The following MTCL2 variants were observed in gnomAD, a reference collection of about 807,000 sequenced individuals.
MTCL2 encodes the protein microtubule crosslinking factor 2.
chr20:36,835,922 AG>A, the MTCL2 span, among the ~76,000 whole-genome samples: 1 of 152,104 alleles, frequency 6.6e-6, no homozygotes, highest in Non-Finnish European at 1.5e-5. Flanking sequence ...TCCAGGTCCC[AG>A]CCTCTCCTCC....
At chr20:36,783,823 C>CA in the MTCL2 span, 1 of 985,244 alleles carries the variant, frequency 1.0e-6, no homozygotes, top group Non-Finnish European at 1.2e-6. Context: ...CCCCCCACCC[C>CA]AAAAAAGAAA....
At chr20:36,794,932 C>CT in the MTCL2 span, among the ~76,000 whole-genome samples, 43 of 147,362 alleles carry the variant, frequency 2.9e-4, no homozygotes, top group Admixed American at 6.1e-4. The surrounding 1 kb of genome is among the most constrained non-coding windows in gnomAD (Gnocchi z 5.4). Context: ...CCAAACCTGG[C>CT]TTTTTTTTTT....
the MTCL2 span, chr20:36,797,601 G>T: frequency 6.4e-7 from 1 of 1,551,128 alleles, no homozygotes; most frequent in Non-Finnish European, 8.7e-7. Context: ...GGGTGGGTCG[G>T]TAATGGGCAA....
At chr20:36,809,124 TG>T in the MTCL2 span, among the ~76,000 whole-genome samples, 1 of 152,152 alleles carries the variant, frequency 6.6e-6, no homozygotes, top group African/African-American at 2.4e-5. Flanking sequence ...GGACAGCTGA[TG>T]ACTAGGCAAC....
the MTCL2 span, among the ~76,000 whole-genome samples, chr20:36,792,327 G>A: frequency 1.3e-5 from 2 of 152,194 alleles, no homozygotes; most frequent in South Asian, 2.1e-4. Context: ...GGCCAACATG[G>A]TGAAACCCCG....
the MTCL2 span, chr20:36,805,884 G>T: frequency 1.9e-6 from 3 of 1,613,372 alleles, no homozygotes; most frequent in Non-Finnish European, 2.5e-6. Context: ...CCCCGTGCAG[G>T]CCTTGTTATC....
the MTCL2 span, among the ~76,000 whole-genome samples, chr20:36,827,409 G>A: frequency 6.2e-5 from 9 of 144,192 alleles, no homozygotes; most frequent in African/African-American, 2.3e-4. Flanking sequence ...TGTCTCCCAG[G>A]CTGGAGTGCA....
chr20:36,853,171 A>T, the MTCL2 span, among the ~76,000 whole-genome samples: 3 of 151,190 alleles, frequency 2.0e-5, no homozygotes, highest in Non-Finnish European at 2.9e-5. Flanking sequence ...GGCCCTGGAG[A>T]CTCACCACGT....
the MTCL2 span, among the ~76,000 whole-genome samples, chr20:36,821,828 T>C: frequency 6.6e-6 from 1 of 152,258 alleles, no homozygotes; most frequent in African/African-American, 2.4e-5. Flanking sequence ...AAATTCCCTA[T>C]GGCTTATTCG....
chr20:36,797,960 G>C, the MTCL2 span, among the ~76,000 whole-genome samples: 1 of 152,128 alleles, frequency 6.6e-6, no homozygotes, highest in African/African-American at 2.4e-5. Flanking sequence ...TATGGATCTC[G>C]GCACTTTTTC....
At chr20:36,824,996 A>G in the MTCL2 span, among the ~76,000 whole-genome samples, 1 of 149,044 alleles carries the variant, frequency 6.7e-6, no homozygotes. Context: ...CTGGAGTGCA[A>G]TGATGGGATG....
At chr20:36,862,109 T>A in the MTCL2 span, among the ~76,000 whole-genome samples, 1 of 152,166 alleles carries the variant, frequency 6.6e-6, no homozygotes, top group Non-Finnish European at 1.5e-5. Context: ...GGAAGTGGAC[T>A]CCAGCCAAGG....
At chr20:36,808,221 T>C in the MTCL2 span, among the ~76,000 whole-genome samples, 1 of 151,530 alleles carries the variant, frequency 6.6e-6, no homozygotes, top group African/African-American at 2.4e-5. Context: ...CTGGGCATGG[T>C]GGCATGTGCC....
At chr20:36,805,045 C>T in the MTCL2 span, 3 of 887,892 alleles carry the variant, frequency 3.4e-6, no homozygotes, top group Non-Finnish European at 5.1e-6. Flanking sequence ...GTCATCTCAC[C>T]CATAAAATGG....
the MTCL2 span, among the ~76,000 whole-genome samples, chr20:36,840,166 GTTT>G: frequency 8.1e-6 from 1 of 122,908 alleles, no homozygotes; most frequent in Admixed American, 8.3e-5. Context: ...CCAGCCTGGT[GTTT>G]TTTTTTTTTT....
chr20:36,820,846 A>G, the MTCL2 span, among the ~76,000 whole-genome samples: 1 of 152,164 alleles, frequency 6.6e-6, no homozygotes, highest in Non-Finnish European at 1.5e-5. Flanking sequence ...TGTCTCAAAA[A>G]AAAAAAAGAG....
chr20:36,829,042 T>A, the MTCL2 span: 3 of 1,538,230 alleles, frequency 2.0e-6, no homozygotes, highest in Non-Finnish European at 2.6e-6. Context: ...GCTGGATGCA[T>A]GAGGTCCTCA....
chr20:36,821,783 T>C, the MTCL2 span, among the ~76,000 whole-genome samples: 1 of 152,130 alleles, frequency 6.6e-6, no homozygotes, highest in African/African-American at 2.4e-5. Flanking sequence ...ATAGAAAAAC[T>C]TATTGGAAGT....
the MTCL2 span, among the ~76,000 whole-genome samples, chr20:36,787,423 T>G: frequency 6.6e-6 from 1 of 151,904 alleles, no homozygotes; most frequent in African/African-American, 2.4e-5. Flanking sequence ...AGAGGGGATT[T>G]TAGCATGTTG....
Sources: allele counts gnomAD v4.1 joint callset (sites outside exome capture counted in the v4.1 genomes callset), GRCh38; gene constraint gnomAD v4.1.1; non-coding constraint Gnocchi (gnomAD v3.1); transcripts MANE v1.5; gene names NCBI Gene and HGNC (gene_info 2026-07-23, HGNC 2026-07-21).